Variants in MYCBP2 observed in about 807,000 individuals in gnomAD.
MYCBP2 encodes the protein E3 ubiquitin-protein ligase MYCBP2.
Under a neutral mutation model 525.3 loss-of-function variants are expected in MYCBP2, and 120 were observed. The ratio of observed to expected loss-of-function variants is 0.23; its 90% CI spans 0.20 to 0.27. MYCBP2 has a LOEUF of 0.27. Ranked by LOEUF, MYCBP2 falls within the 10% of genes least tolerant of loss-of-function variation. The pLI, the probability that MYCBP2 is intolerant of heterozygous loss-of-function variation, is 1.00. For synonymous variants in MYCBP2, 1,894 were observed against 1,955.8 expected, an observed-to-expected ratio of 0.97 and a Z score of 0.83; for missense variants, 4,149 against 5,657.1, an observed-to-expected ratio of 0.73 and a Z score of 8.55.
At chr13:77,183,825 G>A (rs1344087765) in intron 32 of MYCBP2, among the ~76,000 whole-genome samples, 1 of 151,972 alleles carries the variant, frequency 6.6e-6, no homozygotes, top group Non-Finnish European at 1.5e-5. Context: ...TGGGATTACA[G>A]GCATGAGCCA....
At position 77,174,183 on chromosome 13, in the gene MYCBP2, A is replaced by T. The variant is rs572400110; in HGVS notation, c.5651+128T>A. 6.2e-6 allele frequency: 4 copies of T among 649,276 alleles called. No individual in the cohort carries two copies. The African/African-American group carries it at 7.2e-5, about 12-fold the overall frequency. 40.2% of individuals were successfully genotyped at this position (649,276 alleles called of 1,614,324 possible). ...GAGATTTCTTTATATGAATTTGTAC[A>T]AGTATGTGCTAAGAAGATACACTGT... On this transcript the variant is annotated intron_variant, in intron 37 of 82. Transcript: ENST00000544440.
At chr13:77,244,651 C>T (rs2069537597) in intron 15 of MYCBP2, among the ~76,000 whole-genome samples, 1 of 152,114 alleles carries the variant, frequency 6.6e-6, no homozygotes, top group South Asian at 2.1e-4. Flanking sequence ...CAACAAAAGC[C>T]AAAATTGACA....
intron 2 of MYCBP2, among the ~76,000 whole-genome samples, chr13:77,291,329 A>G (rs2077445612): frequency 6.6e-6 from 1 of 152,256 alleles, no homozygotes; most frequent in Admixed American, 6.5e-5. Flanking sequence ...CACAATGGGA[A>G]ACCCCTACTT....
chr13:77,053,573 T>C (rs1272108378), intron 80 of MYCBP2, among the ~76,000 whole-genome samples: 1 of 152,236 alleles, frequency 6.6e-6, no homozygotes, highest in Non-Finnish European at 1.5e-5. Context: ...GTTTCACTTT[T>C]CTATATCCTC....
In MYCBP2 at chr13:77,044,762, TA is replaced by T; in HGVS notation, c.*615del. ...AGGCACACTCAGTATTGCACTTCAT[TA>T]AAATTTCAGGCTCAAACTTAACCTA... On this transcript the variant is annotated 3_prime_UTR_variant, in exon 83 of 83. Coordinates refer to ENST00000544440, the MANE Select transcript of MYCBP2 (RefSeq NM_015057.5). 1 of 398,906 alleles carries T rather than the reference TA, an allele frequency of 2.5e-6. No individual in the cohort carries two copies. The allele number at this position is 398,906 out of a possible 1,614,324, so 24.7% of individuals were successfully genotyped here. A position where few individuals can be genotyped will look rare whatever the true frequency, so the allele number is the denominator to read the frequency against.
intron 26 of MYCBP2, among the ~76,000 whole-genome samples, chr13:77,201,511 A>G (rs1284489569): frequency 2.0e-5 from 3 of 152,176 alleles, no homozygotes; most frequent in Non-Finnish European, 4.4e-5. Flanking sequence ...AAGGATATCC[A>G]GGAATTGAAC....
chr13:77,198,678 G>A (rs554384933), intron 26 of MYCBP2, among the ~76,000 whole-genome samples: 1 of 152,312 alleles, frequency 6.6e-6, no homozygotes, highest in Non-Finnish European at 1.5e-5. Flanking sequence ...ACGAATAGGT[G>A]TGGTAACATA....
intron 70 of MYCBP2, among the ~76,000 whole-genome samples, chr13:77,068,296 G>T (rs932360921): frequency 2.0e-5 from 3 of 151,938 alleles, no homozygotes; most frequent in Non-Finnish European, 1.5e-5. Context: ...AGGGCTAAAT[G>T]ACATTATATA....
intron 68 of MYCBP2, chr13:77,075,835 T>C (rs1317052598): frequency 6.6e-6 from 1 of 152,116 alleles, no homozygotes; most frequent in East Asian, 1.9e-4. Context: ...TCAAATGAAA[T>C]CTCCAAAAGA....
At chr13:77,236,130 CAGAT>C (rs1470763823) in intron 17 of MYCBP2, among the ~76,000 whole-genome samples, 2 of 152,080 alleles carry the variant, frequency 1.3e-5, no homozygotes, top group African/African-American at 2.4e-5. Flanking sequence ...TTTTTGCTGT[CAGAT>C]AGGCAAAGAA....
intron 7 of MYCBP2, among the ~76,000 whole-genome samples, chr13:77,269,090 C>T (rs1334435646): frequency 6.6e-6 from 1 of 152,166 alleles, no homozygotes; most frequent in Non-Finnish European, 1.5e-5. Flanking sequence ...ATCCATCTGG[C>T]TGCTGACCTT....
At chr13:77,248,633 G>A (rs576564463) in intron 15 of MYCBP2, among the ~76,000 whole-genome samples, 58 of 152,150 alleles carry the variant, frequency 3.8e-4, no homozygotes, top group Non-Finnish European at 8.4e-4. Context: ...AGAAGGATGT[G>A]GAGAAACTGG....
chr13:77,263,584 T>A (rs1035598432), intron 10 of MYCBP2, 67 bp downstream of exon 10: 1 of 1,389,712 alleles, frequency 7.2e-7, no homozygotes, highest in African/African-American at 1.4e-5. Flanking sequence ...AAACACAATG[T>A]TCATTTTTAA....
At chr13:77,066,682 T>A (rs2040262569) in intron 71 of MYCBP2, among the ~76,000 whole-genome samples, 1 of 152,310 alleles carries the variant, frequency 6.6e-6, no homozygotes, top group African/African-American at 2.4e-5. Flanking sequence ...TATAGTTAGA[T>A]ATTATAAACA....
At position 77,168,412 on chromosome 13, in the gene MYCBP2, A is replaced by C; in HGVS notation, c.6114+16T>G. 1 of 1,609,828 alleles carries C rather than the reference A, an allele frequency of 6.2e-7. No individual in the cohort carries two copies. Among genetic ancestry groups the C allele is most frequent in the Non-Finnish European group, 8.5e-7 (1 of 1,176,514 alleles). On this transcript the variant is annotated intron_variant, in intron 40 of 82. Transcript: ENST00000544440. ...CCAAGTTTTACATTCGAATCACACTAAGAACCGGTGCCTACCTTGTAATGC... is the reference window on the plus strand; with the variant it reads ...CCAAGTTTTACATTCGAATCACACTCAGAACCGGTGCCTACCTTGTAATGC...
chr13:77,185,448 T>C lies in MYCBP2; in HGVS notation c.4445-71A>G, dbSNP rs575409640. The C allele has an allele frequency of 5.5e-6, 8 of 1,457,106 alleles. No homozygotes were observed. The South Asian group carries it at 9.2e-5, about 17-fold the overall frequency. 90.3% of individuals were successfully genotyped at this position (1,457,106 alleles called of 1,614,324 possible). A position where few individuals can be genotyped will look rare whatever the true frequency, so the allele number is the denominator to read the frequency against. ...TATGCATGAAAACAATCAATATAATTCAGTAATTCCCTATACAGCTAAGTA... is the reference window on the plus strand; with the variant it reads ...TATGCATGAAAACAATCAATATAATCCAGTAATTCCCTATACAGCTAAGTA... On this transcript the variant is annotated intron_variant, in intron 31 of 82. Coordinates refer to ENST00000544440, the MANE Select transcript of MYCBP2 (RefSeq NM_015057.5).
At chr13:77,186,802 ATTTTTT>A (rs5804893) in intron 30 of MYCBP2, among the ~76,000 whole-genome samples, 7 of 120,466 alleles carry the variant, frequency 5.8e-5, no homozygotes, top group African/African-American at 1.8e-4. Flanking sequence ...TATAGATTCA[ATTTTTT>A]TTTTTTTTTT....
chr13:77,049,734 C>T (rs2036353743), intron 82 of MYCBP2, among the ~76,000 whole-genome samples: 1 of 152,068 alleles, frequency 6.6e-6, no homozygotes. Context: ...CTCTCAGGCT[C>T]AAGTGATTCT....
chr13:77,266,134 A>G (rs1366570183), intron 8 of MYCBP2, among the ~76,000 whole-genome samples: 1 of 152,206 alleles, frequency 6.6e-6, no homozygotes, highest in Non-Finnish European at 1.5e-5. Context: ...TGTCTTATCA[A>G]TAAGTCACAG....
Sources: gnomAD v4.1 joint callset for allele counts (sites outside exome capture counted in the v4.1 genomes callset) on GRCh38, gnomAD v4.1.1 for gene constraint, MANE v1.5 for transcripts, NCBI Gene and HGNC (gene_info 2026-07-23, HGNC 2026-07-21) for gene names.